ACSF3: variants seen among roughly 807,000 people sequenced by gnomAD.
ACSF3 encodes malonate--CoA ligase ACSF3, mitochondrial.
ACSF3 carries 78 observed loss-of-function variants against 53.2 expected under a neutral mutation model. The observed-to-expected ratio is 1.47, with a 90% CI of 1.22 to 1.77. The LOEUF is 1.77. Ranked by LOEUF, ACSF3 falls within the 40% of genes most tolerant of loss-of-function variation. ACSF3 has a pLI of 0.00. For missense variants in ACSF3, 937 were observed against 771.1 expected, an observed-to-expected ratio of 1.22 and a Z score of -2.55; for synonymous variants, 414 against 333.1, an observed-to-expected ratio of 1.24 and a Z score of -2.65.
intron 10 of ACSF3, chr16:89,153,671 C>T (rs1418170302): frequency 6.4e-6 from 2 of 313,106 alleles, no homozygotes; most frequent in Non-Finnish European, 1.3e-5. Flanking sequence ...CCCACCCACT[C>T]CCCAGCCTCT....
chr16:89,098,543 AGC>A (rs774075134), intron 1 of ACSF3, 46 bp from the exon 2 acceptor site: 1 of 408,842 alleles, frequency 2.4e-6, no homozygotes, highest in South Asian at 1.7e-5. Context: ...GCCTGTGGGA[AGC>A]GTTATACACA....
intron 1 of ACSF3, among the ~76,000 whole-genome samples, chr16:89,094,242 C>T (rs929023323): frequency 3.3e-5 from 5 of 152,060 alleles, no homozygotes; most frequent in Non-Finnish European, 5.9e-5. Context: ...GGACGCCGGG[C>T]CCGGTGATAC....
At chr16:89,143,164 G>T (rs1196247385) in intron 8 of ACSF3, among the ~76,000 whole-genome samples, 2 of 152,196 alleles carry the variant, frequency 1.3e-5, no homozygotes, top group African/African-American at 2.4e-5. Context: ...CCCAGCATCA[G>T]CCTGGTGTGT....
At chr16:89,107,781 A>C (rs1211741224) in intron 4 of ACSF3, among the ~76,000 whole-genome samples, 3 of 152,168 alleles carry the variant, frequency 2.0e-5, no homozygotes, top group Non-Finnish European at 4.4e-5. Flanking sequence ...GAAACTGCGG[A>C]AGAGTTCTCA....
chr16:89,115,906 C>T (rs1379206638), intron 6 of ACSF3, among the ~76,000 whole-genome samples: 1 of 152,198 alleles, frequency 6.6e-6, no homozygotes, highest in Non-Finnish European at 1.5e-5. Context: ...GTCAGCTGTG[C>T]GATTTTAAAT....
At chr16:89,122,532 A>G (rs1265771118) in intron 7 of ACSF3, 2 of 322,316 alleles carry the variant, frequency 6.2e-6, no homozygotes, top group South Asian at 4.7e-5. Context: ...CCTGCCCCCA[A>G]CTCGAGGACC....
chr16:89,097,061 T>C (rs1316558281), intron 1 of ACSF3, among the ~76,000 whole-genome samples: 1 of 152,288 alleles, frequency 6.6e-6, no homozygotes, highest in Non-Finnish European at 1.5e-5. Context: ...GAATCCACTC[T>C]TATTCTTCCG....
chr16:89,108,703 A>G (rs1022378071), intron 4 of ACSF3, among the ~76,000 whole-genome samples: 11 of 152,064 alleles, frequency 7.2e-5, no homozygotes, highest in Middle Eastern at 3.2e-3. Flanking sequence ...TCCATGTTCT[A>G]CTGTGTGTAT....
chr16:89,112,876 T>C (rs533184712), intron 5 of ACSF3, among the ~76,000 whole-genome samples: 2 of 152,352 alleles, frequency 1.3e-5, no homozygotes, highest in Middle Eastern at 3.4e-3. Flanking sequence ...TGGGCAGCCC[T>C]GTGAGGCCTC....
chr16:89,145,841 C>A, intron 9 of ACSF3, 97 bp from the exon 10 acceptor site: 1 of 1,061,278 alleles, frequency 9.4e-7, no homozygotes, highest in Non-Finnish European at 1.5e-6. Context: ...TCCAGGGCTG[C>A]GGCCAGACTG....
intron 1 of ACSF3, among the ~76,000 whole-genome samples, chr16:89,095,975 G>A (rs1352393444): frequency 5.3e-5 from 8 of 152,178 alleles, no homozygotes; most frequent in African/African-American, 1.2e-4. Context: ...ATCCCGCTGC[G>A]CTGCATGTGT....
At chr16:89,148,556 G>A (rs1256664815) in intron 10 of ACSF3, 1 of 152,200 alleles carries the variant, frequency 6.6e-6, no homozygotes, top group Non-Finnish European at 1.5e-5. Context: ...CTGCTGTTGT[G>A]TGCCTGCAAC....
intron 7 of ACSF3, among the ~76,000 whole-genome samples, chr16:89,130,510 G>T (rs1909056458): frequency 6.6e-6 from 1 of 152,192 alleles, no homozygotes; most frequent in African/African-American, 2.4e-5. Context: ...GGAGGTGGAG[G>T]TTGCAGTAAG....
Position 89,155,272 on chromosome 16 carries a change from C to T in ACSF3, c.*1065C>T, listed in dbSNP as rs1294099932. 1.1e-5 allele frequency: 5 copies of T among 454,034 alleles called. No individual in the cohort carries two copies. The highest frequency in any genetic ancestry group is 2.2e-5 in the Non-Finnish European group (5 of 226,802). The allele number at this position is 454,034 out of a possible 1,614,324, so 28.1% of individuals were successfully genotyped here. ...GTGTCTGGCCTGAACTTACCCAGAACATTCTGCCCCCGGAATGCACGTCTG... is the reference window on the plus strand; with the variant it reads ...GTGTCTGGCCTGAACTTACCCAGAATATTCTGCCCCCGGAATGCACGTCTG... On this transcript the variant is annotated 3_prime_UTR_variant, in exon 11 of 11. Coordinates refer to ENST00000614302, the MANE Select transcript of ACSF3 (RefSeq NM_001243279.3).
chr16:89,097,748 ACTGCC>A (rs1260109265), intron 1 of ACSF3, among the ~76,000 whole-genome samples: 6 of 142,826 alleles, frequency 4.2e-5, no homozygotes, highest in African/African-American at 2.6e-5. Context: ...CGGACCAGCC[ACTGCC>A]CTGCCTCTGA....
At chr16:89,118,436 G>A (rs1905742807) in intron 6 of ACSF3, among the ~76,000 whole-genome samples, 1 of 152,238 alleles carries the variant, frequency 6.6e-6, no homozygotes, top group Non-Finnish European at 1.5e-5. Context: ...GTGGAGGAGA[G>A]CTTTCCTCAC....
chr16:89,133,871 C>G (rs752501338), intron 8 of ACSF3, among the ~76,000 whole-genome samples: 11 of 152,228 alleles, frequency 7.2e-5, no homozygotes, highest in Non-Finnish European at 1.5e-4. Context: ...CCCAGGAAGC[C>G]TGTGGCGGTC....
At chr16:89,152,125 C>T (rs1914163069) in intron 10 of ACSF3, 1 of 152,290 alleles carries the variant, frequency 6.6e-6, no homozygotes, top group Admixed American at 6.5e-5. Flanking sequence ...GGAAGGGGCG[C>T]CTGCCCTCAC....
chr16:89,103,131 C>T (rs747140436), intron 4 of ACSF3, among the ~76,000 whole-genome samples: 7 of 152,218 alleles, frequency 4.6e-5, no homozygotes, highest in African/African-American at 1.4e-4. Context: ...AAATACCTTC[C>T]GGTACTGTGC....
Sources: allele counts gnomAD v4.1 joint callset (sites outside exome capture counted in the v4.1 genomes callset), GRCh38; gene constraint gnomAD v4.1.1; transcripts MANE v1.5; gene names NCBI Gene and HGNC (gene_info 2026-07-23, HGNC 2026-07-21).